TRPV1: variants seen among roughly 807,000 people sequenced by gnomAD.
The protein encoded by TRPV1 is transient receptor potential cation channel subfamily V member 1.
A neutral mutation model predicts 82.3 loss-of-function variants in TRPV1; 82 were observed. That is an observed-to-expected ratio of 1.00 (90% CI 0.83 to 1.20). TRPV1 has a LOEUF of 1.20. Ranked by LOEUF, TRPV1 falls within the 50% of genes most tolerant of loss-of-function variation. The pLI is 0.00. For synonymous variants in TRPV1, 515 were observed against 467.7 expected, an observed-to-expected ratio of 1.10 and a Z score of -1.30; for missense variants, 1,067 against 1,096.8, an observed-to-expected ratio of 0.97 and a Z score of 0.38.
chr17:3,602,369 T>G (rs1417636915), intron 2 of TRPV1: 1 of 152,268 alleles, frequency 6.6e-6, no homozygotes, highest in African/African-American at 2.4e-5. Flanking sequence ...TTTGGCTTTA[T>G]CTGAACAGCA....
intron 2 of TRPV1, among the ~76,000 whole-genome samples, chr17:3,600,219 G>A (rs532459387): frequency 6.6e-6 from 1 of 152,180 alleles, no homozygotes; most frequent in South Asian, 2.1e-4. Flanking sequence ...TAGAGCAATG[G>A]CTGGGAAAGG....
chr17:3,582,179 G>C (rs1486099815), intron 10 of TRPV1, among the ~76,000 whole-genome samples: 2 of 60,904 alleles, frequency 3.3e-5, no homozygotes, highest in Non-Finnish European at 7.0e-5. Flanking sequence ...GAAAGAGTGA[G>C]ACTCCATCTC....
intron 6 of TRPV1, 22 bp downstream of exon 6, chr17:3,590,230 G>A: frequency 6.2e-7 from 1 of 1,612,282 alleles, no homozygotes; most frequent in Non-Finnish European, 8.5e-7. Context: ...AAAGATCAGG[G>A]TCTGCCACAC....
At chr17:3,589,194 G>C (rs1323678254) in intron 7 of TRPV1, among the ~76,000 whole-genome samples, 1 of 132,594 alleles carries the variant, frequency 7.5e-6, no homozygotes, top group Admixed American at 9.2e-5. Flanking sequence ...AACACCAACA[G>C]CTTTTTTCTT....
chr17:3,570,359 G>T (rs1376862646), intron 16 of TRPV1, among the ~76,000 whole-genome samples: 2 of 143,942 alleles, frequency 1.4e-5, no homozygotes, highest in Admixed American at 7.2e-5. Context: ...AACAGAGTGA[G>T]ACTCCATCTC....
At position 3,573,884 on chromosome 17, in the gene TRPV1, C is replaced by G. The variant is rs745776838; in HGVS notation, c.1852G>C (p.Gly618Arg). The change falls in exon 14 of 17, where the codon GGG becomes CGG. Residue 618 changes from glycine to arginine, a missense_variant. Transcript: ENST00000572705. Reference protein sequence around the residue: ...PSESTSHRWRGPACRPPDSSY... With the variant: ...PSESTSHRWRRPACRPPDSSY... ...CTATCGGGGGGCCTGCAGGCAGGCC[C>G]CCGCCACCTGTGCGACGTGGACTCA... The G allele has an allele frequency of 2.5e-6, 4 of 1,608,618 alleles. No homozygotes were observed. In the South Asian group the frequency reaches 3.3e-5, roughly 13 times the overall value.
chr17:3,596,598 A>G (rs2075221822), intron 2 of TRPV1, among the ~76,000 whole-genome samples: 1 of 152,196 alleles, frequency 6.6e-6, no homozygotes, highest in African/African-American at 2.4e-5. Context: ...CAGCAGCTGC[A>G]GCCTCCTCCC....
At position 3,571,638 on chromosome 17, in the gene TRPV1, C is replaced by A; in HGVS notation, c.2233G>T (p.Val745Leu). The change falls in exon 16 of 17, where the codon GTG (valine) becomes TTG (leucine). Residue 745 changes from valine (V) to leucine (L), a missense_variant and splice_region_variant. Physicochemically the swap from Val to Leu is conservative, Grantham distance 32 (BLOSUM62 1). Coordinates refer to ENST00000572705, the MANE Select transcript of TRPV1 (RefSeq NM_080704.4). ...GKDDYRWCFRVDEVNWTTWNT... is the reference protein window; with the variant it reads ...GKDDYRWCFRLDEVNWTTWNT... ...CAGGTGGTCCAGTTCACCTCGTCCA[C>A]CCTGCAGGGTAAGGGGTCGGGAGAG... 1.9e-6 allele frequency: 3 copies of A among 1,606,912 alleles called. No homozygotes were observed. Among genetic ancestry groups the A allele is most frequent in the Non-Finnish European group, 2.5e-6 (3 of 1,176,654 alleles).
intron 13 of TRPV1, 94 bp downstream of exon 13, chr17:3,577,032 C>T (rs2074941715): frequency 2.3e-6 from 3 of 1,319,862 alleles, no homozygotes; most frequent in African/African-American, 1.4e-5. Flanking sequence ...CACCTGCCTA[C>T]CCAGTGCCTT....
At position 3,603,756 on chromosome 17, in the gene TRPV1, T is replaced by C. The variant is rs567457500; in HGVS notation, c.-34+4671A>G. Among the ~76,000 whole-genome samples, 3 of 152,346 alleles carry C rather than the reference T, an allele frequency of 2.0e-5. No homozygotes were observed. In the East Asian group the frequency reaches 5.8e-4, roughly 29 times the overall value. On this transcript the variant is annotated intron_variant, in intron 2 of 16. Transcript: ENST00000572705. ...AATGAAAAAAACAAGGTTTGCTTAA[T>C]GTTTGATGAGTCACGCAAGTGAGCA...
intron 10 of TRPV1, among the ~76,000 whole-genome samples, chr17:3,582,018 G>GTT (rs1567664814): frequency 6.9e-6 from 1 of 145,984 alleles, no homozygotes; most frequent in Non-Finnish European, 1.5e-5. Context: ...GTGAAACCCC[G>GTT]TCTCTACTAA....
At chr17:3,598,485 C>A (rs1022158142) in intron 2 of TRPV1, among the ~76,000 whole-genome samples, 1 of 151,820 alleles carries the variant, frequency 6.6e-6, no homozygotes, top group African/African-American at 2.4e-5. Flanking sequence ...GATAATTGCC[C>A]AGGCCGCACG....
rs1182796311 is a variant in TRPV1, at chr17:3,577,273, G to T, written c.1714-81C>A. ...GAAGGGCCGGGCCGCATCGGCCTGG[G>T]GATGCGTCTTGAGAACGTGCAGGGC... On this transcript the variant is annotated intron_variant, in intron 12 of 16. Transcript: ENST00000572705. 3 of 1,448,950 alleles carry T rather than the reference G, an allele frequency of 2.1e-6. No individual in the cohort carries two copies. The African/African-American group carries it at 4.2e-5, about 20-fold the overall frequency. 89.8% of individuals were successfully genotyped at this position (1,448,950 alleles called of 1,614,324 possible). A position where few individuals can be genotyped will look rare whatever the true frequency, so the allele number is the denominator to read the frequency against.
At chr17:3,584,396 CTG>C (rs954269838) in intron 9 of TRPV1, among the ~76,000 whole-genome samples, 9 of 110,120 alleles carry the variant, frequency 8.2e-5, no homozygotes, top group Non-Finnish European at 1.0e-4. Flanking sequence ...GAGAGAGACT[CTG>C]TCTCAAAAAA....
rs112906162 is a variant in TRPV1 at position 3,580,501 on chromosome 17, C to T, written c.1503G>A (p.Pro501=). The stretch of plus-strand genomic sequence containing the variant: ...TGTCCACAAACAGGGTCTTCATCGA[C>T]GGCCGCCTCTGCAGGAAATACTGAA... ...RGIQYFLQRR[P]SMKTLFVDSY... The change falls in exon 11 of 17, where the codon CCG becomes CCA. Residue 501 remains proline (P), a synonymous_variant. Coordinates refer to ENST00000572705, the MANE Select transcript of TRPV1 (RefSeq NM_080704.4). 4.5e-5 allele frequency: 73 copies of T among 1,614,030 alleles called. 2 individuals carry two copies. Among genetic ancestry groups the T allele is most frequent in the African/African-American group, 2.5e-4 (19 of 75,048 alleles).
intron 2 of TRPV1, among the ~76,000 whole-genome samples, chr17:3,607,936 T>C (rs763800534): frequency 1.3e-5 from 2 of 152,098 alleles, no homozygotes; most frequent in Non-Finnish European, 2.9e-5. Flanking sequence ...GGCATGAGGC[T>C]GGGGTCAGTG....
At chr17:3,600,443 G>A (rs1013124367) in intron 2 of TRPV1, among the ~76,000 whole-genome samples, 25 of 152,276 alleles carry the variant, frequency 1.6e-4, no homozygotes, top group Non-Finnish European at 2.6e-4. Context: ...CAAAAAATTA[G>A]CTGGGCGTGG....
chr17:3,565,447 A>T lies in TRPV1; in HGVS notation c.*1368T>A, dbSNP rs891564030. ...ACAAACTTTACACTTGACACGATAT[A>T]TATGTATACATATCTGTTTATTTGA... is the stretch of plus-strand genomic sequence containing the variant. On this transcript the variant is annotated 3_prime_UTR_variant, in exon 17 of 17. Transcript: ENST00000572705. 3.9e-5 allele frequency: 6 copies of T among 152,224 alleles called. No individual in the cohort carries two copies. The highest frequency in any genetic ancestry group is 1.4e-4 in the African/African-American group (6 of 41,442). 9.4% of individuals were successfully genotyped at this position (152,224 alleles called of 1,614,324 possible).
At position 3,571,536 on chromosome 17, in the gene TRPV1, G is replaced by A. The variant is rs200115926; in HGVS notation, c.2335C>T (p.Arg779Trp). The A allele has an allele frequency of 3.0e-5, 48 of 1,604,380 alleles. No homozygotes were observed. The highest frequency in any genetic ancestry group is 4.0e-5 in the African/African-American group (3 of 74,780). ...GVKRTLSFSL[R>W]SSRVSGRHWK... ...CCTCACGCCTCACCTCTGCTTGACC[G>A]CAGGGAGAAGCTCAGGGTGCGCTTG... Residue 779 changes from arginine (R) to tryptophan (W), a missense_variant, in exon 16 of 17, where the codon CGG becomes TGG. Transcript: ENST00000572705.
Sources: allele counts gnomAD v4.1 joint callset (sites outside exome capture counted in the v4.1 genomes callset), GRCh38; gene constraint gnomAD v4.1.1; transcripts MANE v1.5; gene names NCBI Gene and HGNC (gene_info 2026-07-23, HGNC 2026-07-21).